GRIA3: variants seen among roughly 807,000 people sequenced by gnomAD.
GRIA3 encodes the protein glutamate ionotropic receptor AMPA type subunit 3.
In GRIA3, 3 loss-of-function variants were observed where a neutral mutation model predicts 63.0. That is an observed-to-expected ratio of 0.05 (90% CI 0.02 to 0.12). The LOEUF (loss-of-function observed/expected upper bound fraction) is 0.12. Ranked by LOEUF, GRIA3 falls within the 10% of genes least tolerant of loss-of-function variation. The pLI is 1.00. For missense variants in GRIA3, 347 were observed against 700.9 expected, an observed-to-expected ratio of 0.50 and a Z score of 5.70; for synonymous variants, 274 against 257.9, an observed-to-expected ratio of 1.06 and a Z score of -0.60.
At chrX:123,362,981 T>C (rs1318743993) in intron 5 of GRIA3, among the ~76,000 whole-genome samples, 1 of 112,799 alleles carries the variant, frequency 8.9e-6, no homozygotes, top group South Asian at 3.7e-4. Flanking sequence ...CTAATTTATA[T>C]GGTGTAATTG....
chrX:123,470,097 CAT>C (rs760712295), intron 13 of GRIA3, among the ~76,000 whole-genome samples: 39 of 111,594 alleles, frequency 3.5e-4, no homozygotes, highest in Non-Finnish European at 4.5e-4. Context: ...AAAATCAGCA[CAT>C]GTGTGCTCTT....
At chrX:123,249,835 A>G (rs913283216) in intron 2 of GRIA3, among the ~76,000 whole-genome samples, 3 of 110,845 alleles carry the variant, frequency 2.7e-5, no homozygotes, top group African/African-American at 9.9e-5. Flanking sequence ...GAAATTTTAA[A>G]TTTCAGTGGG....
chrX:123,301,816 A>G, intron 3 of GRIA3, among the ~76,000 whole-genome samples: 1 of 111,846 alleles, frequency 8.9e-6, no homozygotes, highest in Middle Eastern at 4.6e-3. Context: ...TATGAGCCCA[A>G]TCCTCCTGTG....
chrX:123,480,679 G>T (rs2045908308), intron 14 of GRIA3, among the ~76,000 whole-genome samples: 1 of 111,860 alleles, frequency 8.9e-6, no homozygotes, highest in African/African-American at 3.3e-5. Context: ...GTCTCTGTAA[G>T]CAGAATGATT....
intron 12 of GRIA3, among the ~76,000 whole-genome samples, chrX:123,458,909 C>G (rs1312271704): frequency 8.9e-6 from 1 of 111,888 alleles, no homozygotes; most frequent in Non-Finnish European, 1.9e-5. Context: ...ACAAATAATA[C>G]TTAAGCATGT....
chrX:123,212,870 A>G (rs1456297496), intron 2 of GRIA3, among the ~76,000 whole-genome samples: 3 of 112,053 alleles, frequency 2.7e-5, no homozygotes, highest in African/African-American at 9.7e-5. Context: ...TTTACAAACA[A>G]GGTCGCCAAG....
At chrX:123,476,861 C>A (rs996614138) in intron 13 of GRIA3, among the ~76,000 whole-genome samples, 2 of 111,345 alleles carry the variant, frequency 1.8e-5, no homozygotes, top group African/African-American at 6.5e-5. Flanking sequence ...CCGGCCCCGA[C>A]CCAGGTGTGA....
chrX:123,240,670 T>C (rs1283524602), intron 2 of GRIA3, among the ~76,000 whole-genome samples: 2 of 112,031 alleles, frequency 1.8e-5, no homozygotes, highest in Non-Finnish European at 3.8e-5. Flanking sequence ...CAGCAATGAA[T>C]CAGCATTTTG....
At chrX:123,284,931 C>T (rs1456299308) in intron 3 of GRIA3, among the ~76,000 whole-genome samples, 3 of 110,900 alleles carry the variant, frequency 2.7e-5, no homozygotes, top group Non-Finnish European at 3.8e-5. Flanking sequence ...AGAAGAGCAA[C>T]CCCAAGACAC....
chrX:123,227,839 T>C (rs1233797215), intron 2 of GRIA3, among the ~76,000 whole-genome samples: 1 of 112,129 alleles, frequency 8.9e-6, no homozygotes, highest in East Asian at 2.8e-4. Flanking sequence ...TCTGTCACCA[T>C]CCTTTTCAGA....
At chrX:123,475,188 A>G (rs1005740215) in intron 13 of GRIA3, among the ~76,000 whole-genome samples, 15 of 111,795 alleles carry the variant, frequency 1.3e-4, no homozygotes, top group African/African-American at 4.5e-4. Context: ...ATGCATTTTT[A>G]TGACTTACAT....
intron 3 of GRIA3, among the ~76,000 whole-genome samples, chrX:123,298,506 A>G (rs1178888302): frequency 3.6e-5 from 4 of 111,029 alleles, no homozygotes; most frequent in Admixed American, 9.6e-5. Flanking sequence ...TTTTCATATG[A>G]TTATTGACTG....
At chrX:123,334,501 A>G (rs1171792115) in intron 4 of GRIA3, among the ~76,000 whole-genome samples, 1 of 111,349 alleles carries the variant, frequency 9.0e-6, no homozygotes, top group Non-Finnish European at 1.9e-5. Flanking sequence ...AAACAGCAAG[A>G]CTCTTGTTTA....
intron 3 of GRIA3, among the ~76,000 whole-genome samples, chrX:123,268,201 G>A (rs1438092598): frequency 9.0e-6 from 1 of 111,490 alleles, no homozygotes; most frequent in African/African-American, 3.3e-5. Flanking sequence ...AATTGCATCA[G>A]CTGTAAAATT....
intron 9 of GRIA3, among the ~76,000 whole-genome samples, chrX:123,403,763 G>C (rs73553771): frequency 6.3e-5 from 7 of 111,278 alleles, no homozygotes; most frequent in African/African-American, 2.3e-4. Flanking sequence ...CTTTCTCCCC[G>C]CCTCCATGCC....
In GRIA3 at chrX:123,333,794, G is replaced by A. The variant is rs759074757; in HGVS notation, c.696+7581G>A. ...TTGCTTCCCAATTTCCTAATGGCGA[G>A]CTTCCAGAGTAGATCAATACATGGC... On this transcript the variant is annotated intron_variant, in intron 4 of 15. Coordinates refer to ENST00000620443, the MANE Select transcript of GRIA3 (RefSeq NM_007325.5). Among the ~76,000 whole-genome samples the A allele has an allele frequency of 3.6e-5, 4 of 110,889 alleles. No individual in the cohort carries two copies. The East Asian group carries it at 1.1e-3, about 32-fold the overall frequency.
rs1216540414 is a variant in GRIA3 at position 123,357,978 on chromosome X, T to C, written c.750+3015T>C. ...AGCTGCTGTTCATCTCTGATGATAA[T>C]AATAATGAGCCAAATTATCCCTACT... is the stretch of plus-strand genomic sequence containing the variant. On this transcript the variant is annotated intron_variant, in intron 5 of 15. Coordinates refer to ENST00000620443, the MANE Select transcript of GRIA3 (RefSeq NM_007325.5). Among the ~76,000 whole-genome samples, 4 of 110,996 alleles carry C rather than the reference T, an allele frequency of 3.6e-5. No individual in the cohort carries two copies. The East Asian group carries it at 1.1e-3, about 31-fold the overall frequency.
intron 13 of GRIA3, among the ~76,000 whole-genome samples, chrX:123,470,201 C>T (rs2045854633): frequency 9.0e-6 from 1 of 111,467 alleles, no homozygotes; most frequent in Non-Finnish European, 1.9e-5. Context: ...ACTTGAGAGG[C>T]ATATAAGGAA....
chrX:123,370,340 C>A (rs1461923030), intron 5 of GRIA3, among the ~76,000 whole-genome samples: 1 of 111,787 alleles, frequency 8.9e-6, no homozygotes, highest in Non-Finnish European at 1.9e-5. Flanking sequence ...AGACTCTAAT[C>A]TCAGTTTTCT....
Sources: gnomAD v4.1 joint callset for allele counts (sites outside exome capture counted in the v4.1 genomes callset) on GRCh38, gnomAD v4.1.1 for gene constraint, MANE v1.5 for transcripts, NCBI Gene and HGNC (gene_info 2026-07-23, HGNC 2026-07-21) for gene names.